RAD18: variants seen among roughly 807,000 people sequenced by gnomAD.
The protein encoded by RAD18 is RAD18 E3 ubiquitin protein ligase, also known as E3 ubiquitin-protein ligase RAD18.
A neutral mutation model predicts 60.4 loss-of-function variants in RAD18; 47 were observed. The observed-to-expected ratio is 0.78, with a 90% CI of 0.62 to 0.99. RAD18 has a LOEUF of 0.99. Among genes scored for constraint, RAD18 ranks in the 50% least tolerant of loss-of-function variants. The pLI, the probability that RAD18 is intolerant of heterozygous loss-of-function variation, is 0.00. For missense variants in RAD18, 640 were observed against 593.3 expected, an observed-to-expected ratio of 1.08 and a Z score of -0.82; for synonymous variants, 225 against 195.5, an observed-to-expected ratio of 1.15 and a Z score of -1.26.
intron 10 of RAD18, among the ~76,000 whole-genome samples, chr3:8,900,750 A>T (rs900593478): frequency 2.0e-5 from 3 of 152,192 alleles, no homozygotes; most frequent in African/African-American, 7.2e-5. Context: ...TGCTATACAA[A>T]ATCCATCTTT....
chr3:8,914,958 G>A (rs971503005), intron 7 of RAD18, among the ~76,000 whole-genome samples: 8 of 152,042 alleles, frequency 5.3e-5, no homozygotes, highest in African/African-American at 1.9e-4. Flanking sequence ...CTAACACGAT[G>A]AAACCCCGTC....
chr3:8,928,537 G>A (rs1360629467), intron 7 of RAD18, among the ~76,000 whole-genome samples: 1 of 152,032 alleles, frequency 6.6e-6, no homozygotes, highest in Non-Finnish European at 1.5e-5. Flanking sequence ...AATATTACCA[G>A]AGACAAAGAC....
intron 10 of RAD18, among the ~76,000 whole-genome samples, chr3:8,901,983 G>A (rs1189568051): frequency 6.6e-6 from 1 of 152,150 alleles, no homozygotes; most frequent in African/African-American, 2.4e-5. Flanking sequence ...TAGCCTACCA[G>A]GTATGTTAAC....
chr3:8,898,317 G>A (rs989574049), intron 11 of RAD18, among the ~76,000 whole-genome samples: 1 of 151,716 alleles, frequency 6.6e-6, no homozygotes, highest in African/African-American at 2.4e-5. Flanking sequence ...CTATAGAAAC[G>A]TAACATTTAT....
chr3:8,913,462 G>A (rs141192356), intron 8 of RAD18, among the ~76,000 whole-genome samples, 182 bp downstream of exon 8: 1 of 152,286 alleles, frequency 6.6e-6, no homozygotes, highest in African/African-American at 2.4e-5. Flanking sequence ...ATTGCATTTT[G>A]TGCTAGAAGA....
chr3:8,884,084 A>G (rs1205067211), intron 12 of RAD18, among the ~76,000 whole-genome samples: 1 of 152,198 alleles, frequency 6.6e-6, no homozygotes, highest in Non-Finnish European at 1.5e-5. Context: ...ATGTGGCTTT[A>G]AAGGGGCTCC....
At position 8,902,377 on chromosome 3, in the gene RAD18, T is replaced by C. The variant is rs751426870; in HGVS notation, c.1168+3A>G. Reference sequence around the variant, plus strand: ...ATGTCTGTTTTTAATTATAGTCTCTTACCCATGCATACAGAAGATAGCTTT... The same window carrying C: ...ATGTCTGTTTTTAATTATAGTCTCTCACCCATGCATACAGAAGATAGCTTT... On this transcript the variant is annotated splice_donor_region_variant and intron_variant, in intron 10 of 12. Coordinates refer to ENST00000264926, the MANE Select transcript of RAD18 (RefSeq NM_020165.4). 6.4e-7 allele frequency: 1 copy of C among 1,571,944 alleles called. No individual in the cohort carries two copies. Among genetic ancestry groups the C allele is most frequent in the South Asian group, 1.2e-5 (1 of 84,364 alleles).
At chr3:8,930,476 T>C (rs1036877812) in intron 7 of RAD18, among the ~76,000 whole-genome samples, 2 of 152,168 alleles carry the variant, frequency 1.3e-5, no homozygotes, top group Admixed American at 1.3e-4. Flanking sequence ...AAATTTAATA[T>C]GATAGTTGTA....
chr3:8,933,868 C>T (rs1032510931), intron 7 of RAD18, among the ~76,000 whole-genome samples: 3 of 152,156 alleles, frequency 2.0e-5, no homozygotes, highest in African/African-American at 7.2e-5. Context: ...ACTGGAAGAA[C>T]TATATTACCA....
At chr3:8,886,640 C>T (rs1486167475) in intron 12 of RAD18, among the ~76,000 whole-genome samples, 2 of 152,218 alleles carry the variant, frequency 1.3e-5, no homozygotes, top group Non-Finnish European at 2.9e-5. Flanking sequence ...ATCCAGTGTA[C>T]TTACTCACTA....
In RAD18 at chr3:8,911,496, C is replaced by G. The variant is rs147103601; in HGVS notation, c.1027+816G>C. On this transcript the variant is annotated intron_variant, in intron 9 of 12. Coordinates refer to ENST00000264926, the MANE Select transcript of RAD18 (RefSeq NM_020165.4). ...CACATCATACTTATCTGTCCAGCAA[C>G]AGAACAATGGTGACTTTTGTTGTTC... Among the ~76,000 whole-genome samples, 33 of 152,302 alleles carry G rather than the reference C, an allele frequency of 2.2e-4. 1 individual carries two copies. In the East Asian group the frequency reaches 5.4e-3, roughly 25 times the overall value.
chr3:8,926,548 G>C (rs1940440086), intron 7 of RAD18, among the ~76,000 whole-genome samples: 1 of 152,254 alleles, frequency 6.6e-6, no homozygotes, highest in Non-Finnish European at 1.5e-5. Flanking sequence ...CACAGAATTG[G>C]AAAAAACTAC....
chr3:8,949,133 A>G (rs960939325), intron 2 of RAD18, among the ~76,000 whole-genome samples: 1 of 152,230 alleles, frequency 6.6e-6, no homozygotes, highest in Non-Finnish European at 1.5e-5. Flanking sequence ...TCCGCATAAT[A>G]TATCCTAACA....
rs1349977407 is a variant in RAD18, at chr3:8,880,670, C to T, written c.*687G>A. 2 of 152,170 alleles carry T rather than the reference C, an allele frequency of 1.3e-5. No homozygotes were observed. The highest frequency in any genetic ancestry group is 2.9e-5 in the Non-Finnish European group (2 of 68,032). The allele number at this position is 152,170 out of a possible 1,614,324, so 9.4% of individuals were successfully genotyped here. ...TGACCCAAGTGAAAAAATACTGACA[C>T]TAATCATTTTTAAGTGCTATTTCAG... On this transcript the variant is annotated 3_prime_UTR_variant, in exon 13 of 13. Coordinates refer to ENST00000264926, the MANE Select transcript of RAD18 (RefSeq NM_020165.4).
chr3:8,933,312 G>A (rs2125063947), intron 7 of RAD18, among the ~76,000 whole-genome samples: 1 of 152,216 alleles, frequency 6.6e-6, no homozygotes, highest in East Asian at 1.9e-4. Context: ...AGGTCTTAGA[G>A]TAAAAGAGAG....
At chr3:8,899,702 G>A (rs1939868251) in intron 10 of RAD18, among the ~76,000 whole-genome samples, 1 of 152,176 alleles carries the variant, frequency 6.6e-6, no homozygotes, top group Non-Finnish European at 1.5e-5. Flanking sequence ...TGGCATATGG[G>A]TATGGCCAAT....
chr3:8,890,043 A>G (rs1939657403), intron 12 of RAD18: 2 of 275,842 alleles, frequency 7.3e-6, no homozygotes, highest in African/African-American at 4.3e-5. Flanking sequence ...GTGGTGGGCT[A>G]TACCATCTAG....
intron 2 of RAD18, among the ~76,000 whole-genome samples, chr3:8,954,161 T>C (rs1347206799): frequency 2.6e-5 from 4 of 152,218 alleles, no homozygotes; most frequent in African/African-American, 9.6e-5. Flanking sequence ...ACCAACTAAC[T>C]GTCCCTTAAC....
chr3:8,945,401 T>C (rs998065563), intron 4 of RAD18, among the ~76,000 whole-genome samples: 7 of 151,956 alleles, frequency 4.6e-5, no homozygotes, highest in Non-Finnish European at 8.8e-5. Flanking sequence ...AAAATTCCCA[T>C]TGCTAAGTGA....
Sources: allele counts gnomAD v4.1 joint callset (sites outside exome capture counted in the v4.1 genomes callset), GRCh38; gene constraint gnomAD v4.1.1; transcripts MANE v1.5; gene names NCBI Gene and HGNC (gene_info 2026-07-23, HGNC 2026-07-21).